The following TM2D1 variants were observed in gnomAD, a reference collection of about 807,000 sequenced individuals.
TM2D1 encodes TM2 domain containing 1.
Under a neutral mutation model 28.4 loss-of-function variants are expected in TM2D1, and 15 were observed. The observed-to-expected ratio is 0.53, with a 90% confidence interval of 0.35 to 0.81. The LOEUF is 0.81. TM2D1 is among the 40% of genes least tolerant of loss of function. The probability of loss-of-function intolerance (pLI) is 0.01; values close to 1 mark genes in which losing one functional copy is unlikely to be tolerated. For synonymous variants in TM2D1, 93 were observed against 96.2 expected, an observed-to-expected ratio of 0.97 and a Z score of 0.20; for missense variants, 236 against 254.9, an observed-to-expected ratio of 0.93 and a Z score of 0.50.
At chr1:61,710,388 T>C (rs951303367) in intron 2 of TM2D1, among the ~76,000 whole-genome samples, 15 of 138,376 alleles carry the variant, frequency 1.1e-4, no homozygotes, top group Non-Finnish European at 1.7e-4. Context: ...ATTGTGCCAC[T>C]GCCCTCCAGC....
At chr1:61,698,599 AAATG>A (rs1644379823) in intron 4 of TM2D1, 1 of 151,980 alleles carries the variant, frequency 6.6e-6, no homozygotes, top group African/African-American at 2.4e-5. Flanking sequence ...AGGAAGACTG[AAATG>A]AATGAATAAA....
At chr1:61,688,678 G>A (rs1644302002) in intron 5 of TM2D1, among the ~76,000 whole-genome samples, 1 of 150,882 alleles carries the variant, frequency 6.6e-6, no homozygotes, top group African/African-American at 2.4e-5. Flanking sequence ...AGCCAAGATC[G>A]TGCCACTGCA....
intron 3 of TM2D1, among the ~76,000 whole-genome samples, chr1:61,708,962 C>T (rs759279958): frequency 3.3e-5 from 5 of 151,924 alleles, no homozygotes; most frequent in Non-Finnish European, 5.9e-5. Context: ...GCCAGGAGTT[C>T]GAGACCAGCG....
At chr1:61,717,817 C>T (rs1644533326) in intron 2 of TM2D1, among the ~76,000 whole-genome samples, 1 of 150,244 alleles carries the variant, frequency 6.7e-6, no homozygotes, top group Admixed American at 6.6e-5. Flanking sequence ...AGTTTCATAA[C>T]AATAAAAAAA....
At chr1:61,687,344 T>C (rs1235017560) in intron 5 of TM2D1, among the ~76,000 whole-genome samples, 4 of 152,204 alleles carry the variant, frequency 2.6e-5, no homozygotes, top group African/African-American at 9.6e-5. Flanking sequence ...AGTTGTAAAA[T>C]ATTCTGAACA....
chr1:61,701,020 C>A lies in TM2D1; in HGVS notation c.353G>T (p.Gly118Val). 3 of 1,604,980 alleles carry A rather than the reference C, an allele frequency of 1.9e-6. No homozygotes were observed. The highest frequency in any genetic ancestry group is 1.1e-5 in the South Asian group (1 of 88,942). Residue 118 changes from glycine (G) to valine (V), a missense_variant, in exon 4 of 7, where the codon GGC becomes GTC. Around this residue, in one of 3 missense-constraint regions of TM2D1, gnomAD observed 167 missense variants for 162.7 expected, o/e 1.03. Coordinates refer to ENST00000606498, the MANE Select transcript of TM2D1 (RefSeq NM_032027.3). ...FKPISCRNVN[G>V]YSYKVAVALS... ...TGCGACTGCCACTTTGTAGGAATAG[C>A]CATTTCTGCAAAAAATTAAAATCTG...
At chr1:61,690,219 G>C (rs1488012685) in intron 5 of TM2D1, among the ~76,000 whole-genome samples, 1 of 152,102 alleles carries the variant, frequency 6.6e-6, no homozygotes, top group African/African-American at 2.4e-5. Flanking sequence ...CAGTTTGGGA[G>C]GCCAAGGTGG....
chr1:61,717,165 G>A (rs769160111), intron 2 of TM2D1, among the ~76,000 whole-genome samples: 3 of 151,652 alleles, frequency 2.0e-5, no homozygotes, highest in Non-Finnish European at 4.4e-5. Context: ...TGGCTAACAC[G>A]GTGAAACCCC....
intron 4 of TM2D1, among the ~76,000 whole-genome samples, chr1:61,695,692 A>G (rs1179987453): frequency 6.6e-6 from 1 of 152,252 alleles, no homozygotes; most frequent in Non-Finnish European, 1.5e-5. Context: ...CCACAACCTG[A>G]GAATACACAA....
At chr1:61,706,069 G>A (rs1644438151) in intron 3 of TM2D1, among the ~76,000 whole-genome samples, 1 of 152,168 alleles carries the variant, frequency 6.6e-6, no homozygotes, top group Non-Finnish European at 1.5e-5. Context: ...CACAGCAGCT[G>A]GCCTTTTGGT....
At chr1:61,714,215 T>A (rs1644500729) in intron 2 of TM2D1, among the ~76,000 whole-genome samples, 3 of 146,850 alleles carry the variant, frequency 2.0e-5, no homozygotes, top group Non-Finnish European at 4.5e-5. Flanking sequence ...TATTTCTAGG[T>A]GAGTTGAAAA....
intron 5 of TM2D1, among the ~76,000 whole-genome samples, chr1:61,687,795 A>T (rs1372072366): frequency 6.6e-6 from 1 of 152,262 alleles, no homozygotes; most frequent in African/African-American, 2.4e-5. Context: ...CAACAGTAAC[A>T]TCAGCAAGAT....
At chr1:61,693,434 A>G (rs1644342586) in intron 5 of TM2D1, among the ~76,000 whole-genome samples, 1 of 152,140 alleles carries the variant, frequency 6.6e-6, no homozygotes, top group African/African-American at 2.4e-5. Context: ...AACTCAAAGA[A>G]TCCCAATAAT....
intron 2 of TM2D1, among the ~76,000 whole-genome samples, chr1:61,722,137 T>C (rs769217459): frequency 1.3e-5 from 2 of 151,544 alleles, no homozygotes; most frequent in Non-Finnish European, 2.9e-5. Context: ...ATAAAATAAA[T>C]TAGCTGGGCG....
chr1:61,691,462 T>C (rs1570098342), intron 5 of TM2D1, among the ~76,000 whole-genome samples: 1 of 120,256 alleles, frequency 8.3e-6, no homozygotes, highest in East Asian at 2.7e-4. Flanking sequence ...ACCATTGCAC[T>C]CCAGCCTGGA....
intron 2 of TM2D1, among the ~76,000 whole-genome samples, chr1:61,718,438 A>G (rs995381328): frequency 6.6e-6 from 1 of 152,218 alleles, no homozygotes; most frequent in African/African-American, 2.4e-5. Flanking sequence ...TTGCAGGAAC[A>G]CTTTTTCCAT....
intron 2 of TM2D1, among the ~76,000 whole-genome samples, chr1:61,718,983 G>T (rs1430195500): frequency 6.6e-6 from 1 of 152,202 alleles, no homozygotes; most frequent in East Asian, 1.9e-4. Context: ...ATTAAAGCAT[G>T]TGTATTAATA....
rs532713785 is a variant in TM2D1 at position 61,681,074 on chromosome 1, G to A, written c.*296C>T. The A allele has an allele frequency of 7.2e-5, 11 of 153,758 alleles. No individual in the cohort carries two copies. Among genetic ancestry groups the A allele is most frequent in the Admixed American group, 2.6e-4 (4 of 15,300 alleles). The allele number at this position is 153,758 out of a possible 1,614,324, so 9.5% of individuals were successfully genotyped here. A position where few individuals can be genotyped will look rare whatever the true frequency, so the allele number is the denominator to read the frequency against. On this transcript the variant is annotated 3_prime_UTR_variant, in exon 7 of 7. Coordinates refer to ENST00000606498, the MANE Select transcript of TM2D1 (RefSeq NM_032027.3). ...GAATAAGTTATACTTTTATTTTTCAGAAACAAAAATGACAAGTGGCAACTT... is the reference window on the plus strand; with the variant it reads ...GAATAAGTTATACTTTTATTTTTCAAAAACAAAAATGACAAGTGGCAACTT...
At chr1:61,724,117 C>CA (rs1644587647) in intron 1 of TM2D1, among the ~76,000 whole-genome samples, 1 of 152,106 alleles carries the variant, frequency 6.6e-6, no homozygotes, top group South Asian at 2.1e-4. Flanking sequence ...CATGAGAAAA[C>CA]AGAGTTCAAA....
Sources: gnomAD v4.1 joint callset for allele counts (sites outside exome capture counted in the v4.1 genomes callset) on GRCh38, gnomAD v4.1.1 for gene constraint, gnomAD v4.1.1 regional missense constraint, MANE v1.5 for transcripts, NCBI Gene and HGNC (gene_info 2026-07-23, HGNC 2026-07-21) for gene names.